Variants in FOXP1 observed in about 807,000 individuals in gnomAD.
The protein encoded by FOXP1 is forkhead box P1.
FOXP1 carries 15 observed loss-of-function variants against 98.2 expected under a neutral mutation model. That is an observed-to-expected ratio of 0.15 (90% CI 0.10 to 0.24). The LOEUF is 0.24. FOXP1 is among the 10% of genes least tolerant of loss of function. The pLI, the probability that FOXP1 is intolerant of heterozygous loss-of-function variation, is 1.00. For synonymous variants in FOXP1, 371 were observed against 314.5 expected, an observed-to-expected ratio of 1.18 and a Z score of -1.90; for missense variants, 633 against 848.5, an observed-to-expected ratio of 0.75 and a Z score of 3.15.
chr3:71,133,131 T>C (rs2059653126), intron 6 of FOXP1, among the ~76,000 whole-genome samples: 1 of 152,198 alleles, frequency 6.6e-6, no homozygotes, highest in Non-Finnish European at 1.5e-5. Flanking sequence ...CCTTATACAT[T>C]ATAAAATATG....
chr3:71,455,464 G>A (rs2087387653), intron 3 of FOXP1, among the ~76,000 whole-genome samples: 1 of 152,084 alleles, frequency 6.6e-6, no homozygotes, highest in South Asian at 2.1e-4. Context: ...AGAAAACTTG[G>A]AAACTAGCTC....
chr3:71,092,221 A>C (rs2107609143), intron 7 of FOXP1, among the ~76,000 whole-genome samples: 1 of 151,416 alleles, frequency 6.6e-6, no homozygotes, highest in Non-Finnish European at 1.5e-5. Flanking sequence ...AAAAAACAAA[A>C]TTAGCTGGGC....
chr3:71,074,597 A>G (rs72947427), intron 7 of FOXP1, among the ~76,000 whole-genome samples: 1 of 152,232 alleles, frequency 6.6e-6, no homozygotes, highest in East Asian at 1.9e-4. Flanking sequence ...ACTCCAAAAC[A>G]AGGCTTCTAA....
chr3:71,012,984 ATAT>A (rs1217261703), intron 12 of FOXP1, among the ~76,000 whole-genome samples: 2 of 152,216 alleles, frequency 1.3e-5, no homozygotes, highest in East Asian at 3.8e-4. Context: ...TGATTCAGTG[ATAT>A]TATGAATATA....
At chr3:71,362,441 G>A (rs1290711313) in intron 3 of FOXP1, among the ~76,000 whole-genome samples, 1 of 152,096 alleles carries the variant, frequency 6.6e-6, no homozygotes, top group Non-Finnish European at 1.5e-5. Flanking sequence ...AAAGTGCCAG[G>A]ATTATAGGCG....
At chr3:70,972,405 A>G in intron 18 of FOXP1, 150 bp downstream of exon 18, 2 of 1,173,184 alleles carry the variant, frequency 1.7e-6, no homozygotes, top group South Asian at 2.5e-5. Flanking sequence ...TATACAAAAC[A>G]GGAGGGATGA....
chr3:70,990,160 A>G (rs1366820157), intron 13 of FOXP1, among the ~76,000 whole-genome samples: 2 of 152,228 alleles, frequency 1.3e-5, no homozygotes. Flanking sequence ...AGGTTACACA[A>G]AAAGGCAAAA....
intron 3 of FOXP1, among the ~76,000 whole-genome samples, chr3:71,425,501 G>A (rs2084077823): frequency 6.6e-6 from 1 of 152,070 alleles, no homozygotes; most frequent in Non-Finnish European, 1.5e-5. Flanking sequence ...GGGTGGGGAG[G>A]GGAGACCAAC....
intron 3 of FOXP1, among the ~76,000 whole-genome samples, chr3:71,429,468 G>A (rs975455639): frequency 5.4e-5 from 7 of 129,078 alleles, no homozygotes; most frequent in South Asian, 3.0e-4. Flanking sequence ...TGTGCTGCTC[G>A]TGAGAACTTG....
intron 3 of FOXP1, among the ~76,000 whole-genome samples, chr3:71,466,775 C>T (rs1469553343): frequency 6.6e-6 from 1 of 152,184 alleles, no homozygotes; most frequent in East Asian, 1.9e-4. Context: ...AAGAGCACTG[C>T]CTAGGGCAGG....
At chr3:71,348,638 G>C (rs556312577) in intron 4 of FOXP1, among the ~76,000 whole-genome samples, 12 of 151,862 alleles carry the variant, frequency 7.9e-5, no homozygotes, top group African/African-American at 2.9e-4. Flanking sequence ...GTGTGTATAA[G>C]TCACACATGC....
chr3:71,517,997 T>G (rs930598803), intron 2 of FOXP1, among the ~76,000 whole-genome samples: 1 of 152,182 alleles, frequency 6.6e-6, no homozygotes, highest in South Asian at 2.1e-4. Flanking sequence ...TAACAAGGTA[T>G]TCAAGAAATG....
intron 12 of FOXP1, among the ~76,000 whole-genome samples, chr3:71,011,641 A>G (rs927022668): frequency 1.3e-5 from 2 of 152,154 alleles, no homozygotes; most frequent in African/African-American, 4.8e-5. Flanking sequence ...CAGCCAATTT[A>G]AGTTGGGTTT....
At chr3:71,581,151 T>A in intron 2 of FOXP1, 3 of 983,066 alleles carry the variant, frequency 3.1e-6, no homozygotes, top group South Asian at 4.7e-5. Context: ...GACGAAAGCA[T>A]AGGATGAGCC....
intron 6 of FOXP1, among the ~76,000 whole-genome samples, chr3:71,134,690 T>C (rs2059733713): frequency 6.6e-6 from 1 of 151,872 alleles, no homozygotes. Context: ...CAGCTGGGAG[T>C]ATTGTCTAAC....
At position 71,274,796 on chromosome 3, in the gene FOXP1, G is replaced by A. The variant is rs185887164; in HGVS notation, c.-12+25024C>T. ...ATCACTGGGTTTCTAAAATCAATCA[G>A]CAATCTTACTGATTTTCACTGTTGT... On this transcript the variant is annotated intron_variant, in intron 5 of 20. Transcript: ENST00000649528. Among the ~76,000 whole-genome samples, 16 of 152,260 alleles carry A rather than the reference G, an allele frequency of 1.1e-4. No individual in the cohort carries two copies. In the East Asian group the frequency reaches 3.1e-3, roughly 29 times the overall value.
At chr3:71,355,956 C>T (rs951231426) in intron 4 of FOXP1, among the ~76,000 whole-genome samples, 3 of 152,022 alleles carry the variant, frequency 2.0e-5, no homozygotes, top group South Asian at 2.1e-4. Flanking sequence ...TTCTTTGCCA[C>T]GGACCTGTGG....
At chr3:71,311,094 T>G (rs909536800) in intron 4 of FOXP1, among the ~76,000 whole-genome samples, 1 of 152,186 alleles carries the variant, frequency 6.6e-6, no homozygotes, top group Non-Finnish European at 1.5e-5. Flanking sequence ...TGTTTTTTGT[T>G]TTTGAGACAT....
chr3:71,402,716 C>T (rs1028708341), intron 3 of FOXP1, among the ~76,000 whole-genome samples: 26 of 152,270 alleles, frequency 1.7e-4, no homozygotes, highest in Admixed American at 9.8e-4. Context: ...TGGAATGGAA[C>T]GGGTACCCCA....
Sources: allele counts gnomAD v4.1 joint callset (sites outside exome capture counted in the v4.1 genomes callset), GRCh38; gene constraint gnomAD v4.1.1; transcripts MANE v1.5; gene names NCBI Gene and HGNC (gene_info 2026-07-23, HGNC 2026-07-21).